MGAT5B: variants seen among roughly 807,000 people sequenced by gnomAD.
MGAT5B encodes alpha-1,6-mannosylglycoprotein 6-beta-N-acetylglucosaminyltransferase B, also known as N-acetylglucosaminyl-transferase Vb.
In MGAT5B, 54 loss-of-function variants were observed where a neutral mutation model predicts 95.1. That is an observed-to-expected ratio of 0.57 (90% CI 0.46 to 0.71). The LOEUF (loss-of-function observed/expected upper bound fraction) is 0.71, where lower values mean the gene tolerates loss of function less well. MGAT5B is among the 30% of genes least tolerant of loss of function. MGAT5B has a pLI of 0.00. For synonymous variants in MGAT5B, 464 were observed against 451.0 expected (o/e 1.03, Z -0.36); for missense variants, 935 against 1,088.6 (o/e 0.86, Z 1.99).
At chr17:76,898,583 G>A (rs1314529042) in intron 3 of MGAT5B, among the ~76,000 whole-genome samples, 2 of 151,988 alleles carry the variant, frequency 1.3e-5, no homozygotes, top group African/African-American at 4.8e-5. Flanking sequence ...GATTACAGGC[G>A]TGAGCCACTG....
rs1376934563 is a variant in MGAT5B, at chr17:76,948,093, G to A, written c.2180+7G>A. 1.3e-5 allele frequency: 20 copies of A among 1,580,164 alleles called. No homozygotes were observed. Among genetic ancestry groups the A allele is most frequent in the Non-Finnish European group, 1.7e-5 (20 of 1,161,298 alleles). On this transcript the variant is annotated splice_region_variant and intron_variant, in intron 17 of 17. Transcript: ENST00000569840. ...GCCAGGACGCCTTCCTCAAGTGAGT[G>A]TTCCCCCACCCTCCCCACCCAGCCG...
At chr17:76,947,443 G>A (rs1167280903) in intron 16 of MGAT5B, among the ~76,000 whole-genome samples, 1 of 152,164 alleles carries the variant, frequency 6.6e-6, no homozygotes, top group East Asian at 1.9e-4. Context: ...CCTGCAGGGA[G>A]AGCCTCACAG....
At position 76,869,207 on chromosome 17, in the gene MGAT5B, C is replaced by T. The variant is rs1966903233; in HGVS notation, c.68+110C>T. 8 of 951,904 alleles carry T rather than the reference C, an allele frequency of 8.4e-6. No individual in the cohort carries two copies. The highest frequency in any genetic ancestry group is 7.2e-5 in the Admixed American group (4 of 55,194). 59.0% of individuals were successfully genotyped at this position (951,904 alleles called of 1,614,324 possible). A position where few individuals can be genotyped will look rare whatever the true frequency, so the allele number is the denominator to read the frequency against. On this transcript the variant is annotated intron_variant, in intron 1 of 17. Transcript: ENST00000569840. The surrounding 1 kb of genome is among the most constrained non-coding windows in gnomAD (Gnocchi z 7.0). ...CTGGTGGCAGAGGGGGCGGTTCACACTTCAACCCCTGGTGATGACCAGTGG... is the reference window on the plus strand; with the variant it reads ...CTGGTGGCAGAGGGGGCGGTTCACATTTCAACCCCTGGTGATGACCAGTGG...
intron 3 of MGAT5B, 90 bp from the exon 4 acceptor site, chr17:76,902,465 C>T (rs969638432): frequency 8.9e-6 from 8 of 903,176 alleles, no homozygotes; most frequent in African/African-American, 4.9e-5. Context: ...CAGAGCCTGC[C>T]GCCTTTGCCT....
At position 76,905,961 on chromosome 17, in the gene MGAT5B, G is replaced by A. The variant is rs1029455672; in HGVS notation, c.856-57G>A. 57 of 1,505,474 alleles carry A rather than the reference G, an allele frequency of 3.8e-5. No individual in the cohort carries two copies. The highest frequency in any genetic ancestry group is 6.8e-5 in the Admixed American group (3 of 43,796). 93.3% of individuals were successfully genotyped at this position (1,505,474 alleles called of 1,614,324 possible). On this transcript the variant is annotated intron_variant, in intron 7 of 17. Coordinates refer to ENST00000569840, the MANE Select transcript of MGAT5B (RefSeq NM_001199172.2). The surrounding 1 kb of genome is among the most constrained non-coding windows in gnomAD (Gnocchi z 4.2). ...GGTCTCCTGGCCGGTGCCCCGGGGG[G>A]GCGGGGCTCAGAGCTGCTGCTCCTC...
intron 16 of MGAT5B, among the ~76,000 whole-genome samples, chr17:76,947,118 C>T (rs1380283021): frequency 6.6e-6 from 1 of 152,228 alleles, no homozygotes; most frequent in Non-Finnish European, 1.5e-5. Context: ...TCTGCAGGCC[C>T]CGGGTGTCCA....
chr17:76,898,179 T>C (rs987067414), intron 3 of MGAT5B, among the ~76,000 whole-genome samples: 4 of 152,182 alleles, frequency 2.6e-5, no homozygotes, highest in Admixed American at 1.3e-4. Context: ...TTAGGTTACA[T>C]AGGATATTTC....
Position 76,938,508 on chromosome 17 carries a change from G to A in MGAT5B, c.1584+365G>A, listed in dbSNP as rs1567824391. Among the ~76,000 whole-genome samples, 3 of 152,322 alleles carry A rather than the reference G, an allele frequency of 2.0e-5. No homozygotes were observed. The South Asian group carries it at 6.2e-4, about 32-fold the overall frequency. ...TGAGCTGGGGGGTGGTTGGGTGGGT[G>A]GAGAGAAGGGTCCTGGCTAGAGTGC... On this transcript the variant is annotated intron_variant, in intron 13 of 17. Coordinates refer to ENST00000569840, the MANE Select transcript of MGAT5B (RefSeq NM_001199172.2). The surrounding 1 kb of genome is among the most constrained non-coding windows in gnomAD (Gnocchi z 4.3).
intron 10 of MGAT5B, among the ~76,000 whole-genome samples, 199 bp from the exon 11 acceptor site, chr17:76,932,446 A>C (rs1562084): frequency 0.84 from 127,277 of 152,030 alleles, 54,214 homozygotes; most frequent in Non-Finnish European, 0.91. Context: ...GGTTTCCTTC[A>C]GCTCTGATCT....
rs1032088398 is a variant in MGAT5B, at chr17:76,904,387, G to A, written c.655G>A (p.Ala219Thr). 6.4e-7 allele frequency: 1 copy of A among 1,569,000 alleles called. No homozygotes were observed. Among genetic ancestry groups the A allele is most frequent in the Non-Finnish European group, 8.6e-7 (1 of 1,157,454 alleles). Reference protein sequence around the residue: ...PPLPWRNQTAAQRAPKPLPKV... With the variant: ...PPLPWRNQTATQRAPKPLPKV... Reference sequence around the variant, plus strand: ...GCTGCCCTGGAGGAACCAGACGGCTGCCCAGAGGGCACCCAAGCCCCTCCC... The same window carrying A: ...GCTGCCCTGGAGGAACCAGACGGCTACCCAGAGGGCACCCAAGCCCCTCCC... The change falls in exon 6 of 18, where the codon GCC (alanine) becomes ACC (threonine). Residue 219 changes from alanine to threonine, a missense_variant. Ala to Thr is a moderately conservative substitution (Grantham distance 58). Transcript: ENST00000569840.
Position 76,904,266 on chromosome 17 carries a change from C to T in MGAT5B, c.534C>T (p.Arg178=), listed in dbSNP as rs1461055740. Reference sequence around the variant, plus strand: ...CCTCTCTGCAGTGGATGCGTGCCCGCTGGACCTCTGACCCCTGCTACGCCT... The same window carrying T: ...CCTCTCTGCAGTGGATGCGTGCCCGTTGGACCTCTGACCCCTGCTACGCCT... ...CSGKVEWMRA[R]WTSDPCYAFF... is the part of the protein sequence containing the mutation. The change falls in exon 6 of 18, where the codon CGC becomes CGT. Residue 178 remains arginine (R), a synonymous_variant. Transcript: ENST00000569840. 6.2e-7 allele frequency: 1 copy of T among 1,609,394 alleles called. No individual in the cohort carries two copies.
At chr17:76,933,628 G>A (rs1346808279) in intron 12 of MGAT5B, among the ~76,000 whole-genome samples, 2 of 152,184 alleles carry the variant, frequency 1.3e-5, no homozygotes, top group African/African-American at 4.8e-5. Flanking sequence ...GGTTAATAAC[G>A]AAGCTACTGA....
intron 10 of MGAT5B, among the ~76,000 whole-genome samples, chr17:76,932,167 G>T (rs1319156579): frequency 7.2e-6 from 1 of 139,386 alleles, no homozygotes; most frequent in African/African-American, 2.7e-5. Flanking sequence ...TTGCTCTGTT[G>T]CCTGGGCTGG....
At chr17:76,946,099 C>T (rs1417694548) in intron 15 of MGAT5B, among the ~76,000 whole-genome samples, 1 of 151,102 alleles carries the variant, frequency 6.6e-6, no homozygotes, top group African/African-American at 2.4e-5. Context: ...GAGCTTTATC[C>T]TCATTGCAGT....
rs757147645 is a variant in MGAT5B at position 76,926,669 on chromosome 17, C to T, written c.1230C>T (p.His410=). 3.3e-5 allele frequency: 53 copies of T among 1,612,626 alleles called. No individual in the cohort carries two copies. The highest frequency in any genetic ancestry group is 1.1e-4 in the African/African-American group (8 of 74,914). ...ACCACGAGGAGTACGCCACGCTGCA[C>T]GGCTACCGGACCAACTGGGGCTACT... ...AYNHEEYATL[H]GYRTNWGYWN... The change falls in exon 10 of 18, where the codon CAC becomes CAT. Residue 410 remains histidine (H), a synonymous_variant. Transcript: ENST00000569840.
intron 3 of MGAT5B, among the ~76,000 whole-genome samples, chr17:76,892,109 C>T (rs1967891542): frequency 6.6e-6 from 1 of 152,070 alleles, no homozygotes; most frequent in East Asian, 1.9e-4. Context: ...TGCAGTGGCT[C>T]GATCACGGCT....
rs1241006771 is a variant in MGAT5B at position 76,915,336 on chromosome 17, G to T, written c.1025+9149G>T. On this transcript the variant is annotated intron_variant, in intron 8 of 17. Transcript: ENST00000569840. This position sits in a 1 kb window ranked among gnomAD's most constrained non-coding sequence, Gnocchi z 8.7. ...TACTGTAAATGCAGCGGGGTGGGGGGCCTGGGCTGGGGGCCGGGGATCGGG... is the reference window on the plus strand; with the variant it reads ...TACTGTAAATGCAGCGGGGTGGGGGTCCTGGGCTGGGGGCCGGGGATCGGG... Among the ~76,000 whole-genome samples the T allele has an allele frequency of 6.8e-6, 1 of 146,872 alleles. No homozygotes were observed. Among genetic ancestry groups the T allele is most frequent in the Non-Finnish European group, 1.5e-5 (1 of 66,666 alleles).
chr17:76,881,110 G>A (rs192397094), intron 2 of MGAT5B, among the ~76,000 whole-genome samples: 5 of 152,186 alleles, frequency 3.3e-5, no homozygotes, highest in African/African-American at 4.8e-5. Flanking sequence ...GGACTGTGTG[G>A]AGGGGCAATG....
In MGAT5B at chr17:76,928,968, C is replaced by T. The variant is rs554077847; in HGVS notation, c.1291+2238C>T. Among the ~76,000 whole-genome samples the T allele has an allele frequency of 1.2e-4, 18 of 151,844 alleles. No homozygotes were observed. The South Asian group carries it at 2.1e-3, about 18-fold the overall frequency. On this transcript the variant is annotated intron_variant, in intron 10 of 17. Coordinates refer to ENST00000569840, the MANE Select transcript of MGAT5B (RefSeq NM_001199172.2). The stretch of plus-strand genomic sequence containing the variant: ...GCAACCTCCACCTCCCGGGTTCAAG[C>T]GATTCTTGTGCATTAGCTTTTGGAG...
Sources: allele counts gnomAD v4.1 joint callset (sites outside exome capture counted in the v4.1 genomes callset), GRCh38; gene constraint gnomAD v4.1.1; non-coding constraint Gnocchi (gnomAD v3.1); transcripts MANE v1.5; gene names NCBI Gene and HGNC (gene_info 2026-07-23, HGNC 2026-07-21).